Variants in MAP2 observed in about 807,000 individuals in gnomAD.
MAP2 encodes microtubule associated protein 2.
Under a neutral mutation model 137.6 loss-of-function variants are expected in MAP2, and 14 were observed. The observed-to-expected ratio is 0.10, with a 90% CI of 0.07 to 0.16. The LOEUF is 0.16. MAP2 is among the 10% of genes least tolerant of loss of function. MAP2 has a pLI of 1.00. For missense variants in MAP2, 2,088 were observed against 2,191.5 expected (o/e 0.95, Z 0.94); for synonymous variants, 786 against 782.3 (o/e 1.00, Z -0.08).
At chr2:209,729,795 A>C (rs1263171128) in intron 14 of MAP2, 55 bp from the exon 15 acceptor site, 1 of 1,221,980 alleles carries the variant, frequency 8.2e-7, no homozygotes, top group Non-Finnish European at 1.2e-6. Flanking sequence ...ATTTTTGGGA[A>C]ATAGTTACCA....
chr2:209,624,792 G>A (rs566011139), intron 3 of MAP2, among the ~76,000 whole-genome samples: 1 of 152,314 alleles, frequency 6.6e-6, no homozygotes, highest in South Asian at 2.1e-4. Context: ...TACCTATAAA[G>A]TGCCATTGGA....
At chr2:209,636,616 A>G (rs1470995526) in intron 4 of MAP2, among the ~76,000 whole-genome samples, 1 of 151,780 alleles carries the variant, frequency 6.6e-6, no homozygotes, top group Non-Finnish European at 1.5e-5. Context: ...AATTGAAAAT[A>G]TAACAGCGTA....
intron 4 of MAP2, among the ~76,000 whole-genome samples, chr2:209,646,095 G>T (rs1178865803): frequency 6.6e-6 from 1 of 152,154 alleles, no homozygotes; most frequent in Non-Finnish European, 1.5e-5. Flanking sequence ...TGCTTGAGAG[G>T]CTGAGCGGGG....
In MAP2 at chr2:209,705,401, G is replaced by A. The variant is rs2063105357; in HGVS notation, c.4585-179G>A. ...TAATGTATTTTTACAAAACATCTAG[G>A]CAAATATGCACTCTTTCTAAGTTAT... On this transcript the variant is annotated intron_variant, in intron 11 of 15. Transcript: ENST00000682079. 3 of 408,490 alleles carry A rather than the reference G, an allele frequency of 7.3e-6. 1 individual carries two copies. Among genetic ancestry groups the A allele is most frequent in the Middle Eastern group, 1.3e-3 (2 of 1,516 alleles). The allele number at this position is 408,490 out of a possible 1,614,324, so 25.3% of individuals were successfully genotyped here. A position where few individuals can be genotyped will look rare whatever the true frequency, so the allele number is the denominator to read the frequency against.
chr2:209,468,812 T>G (rs574248791), intron 1 of MAP2, among the ~76,000 whole-genome samples: 2 of 152,242 alleles, frequency 1.3e-5, no homozygotes, highest in African/African-American at 4.8e-5. Flanking sequence ...ATCTTTGATC[T>G]GGGTATATAT....
intron 2 of MAP2, among the ~76,000 whole-genome samples, chr2:209,553,962 A>G (rs1459655679): frequency 6.6e-6 from 1 of 152,166 alleles, no homozygotes; most frequent in Non-Finnish European, 1.5e-5. Flanking sequence ...GTCACTGACC[A>G]CAGAGTTGAG....
intron 1 of MAP2, among the ~76,000 whole-genome samples, chr2:209,470,864 G>A (rs1316478825): frequency 6.6e-6 from 1 of 152,092 alleles, no homozygotes; most frequent in East Asian, 1.9e-4. Flanking sequence ...CTTCTCTAAT[G>A]AACACAAACA....
chr2:209,540,435 T>C (rs1288986078), intron 2 of MAP2, among the ~76,000 whole-genome samples: 2 of 151,068 alleles, frequency 1.3e-5, no homozygotes, highest in African/African-American at 4.9e-5. Flanking sequence ...AGTTCGAGAC[T>C]AGCCTGACCA....
intron 2 of MAP2, among the ~76,000 whole-genome samples, chr2:209,524,330 C>CT (rs963989330): frequency 4.0e-4 from 60 of 149,708 alleles, no homozygotes; most frequent in East Asian, 2.0e-3. Flanking sequence ...TCTTTTTTTT[C>CT]TTTTTTTTAT....
chr2:209,521,085 A>C (rs1259948227), intron 2 of MAP2, among the ~76,000 whole-genome samples: 1 of 152,046 alleles, frequency 6.6e-6, no homozygotes, highest in African/African-American at 2.4e-5. Flanking sequence ...CCTTTATAGT[A>C]TTGAGGCAGG....
At chr2:209,629,451 A>G (rs769922142) in intron 4 of MAP2, among the ~76,000 whole-genome samples, 1 of 152,068 alleles carries the variant, frequency 6.6e-6, no homozygotes, top group Non-Finnish European at 1.5e-5. Context: ...GAACCACAAT[A>G]CCCCAACATT....
At chr2:209,719,701 A>G (rs2069384956) in intron 13 of MAP2, among the ~76,000 whole-genome samples, 2 of 152,240 alleles carry the variant, frequency 1.3e-5, no homozygotes, top group African/African-American at 2.4e-5. Flanking sequence ...AAAGTCACAC[A>G]AGGAATATCC....
At chr2:209,491,045 C>A (rs1341935242) in intron 1 of MAP2, among the ~76,000 whole-genome samples, 1 of 152,042 alleles carries the variant, frequency 6.6e-6, no homozygotes, top group Non-Finnish European at 1.5e-5. Flanking sequence ...ACCACATAAT[C>A]GGAAGTAAAA....
chr2:209,572,239 A>G (rs2074519829), intron 2 of MAP2, among the ~76,000 whole-genome samples: 1 of 152,110 alleles, frequency 6.6e-6, no homozygotes, highest in African/African-American at 2.4e-5. Flanking sequence ...ACTTGGTTGG[A>G]ATAAATTCAT....
chr2:209,560,636 G>T (rs577816077), intron 2 of MAP2, among the ~76,000 whole-genome samples: 1 of 152,058 alleles, frequency 6.6e-6, no homozygotes, highest in Non-Finnish European at 1.5e-5. Flanking sequence ...ATGAGGCACT[G>T]CACCTTGCCA....
chr2:209,542,117 AT>A (rs1439221326), intron 2 of MAP2, among the ~76,000 whole-genome samples: 1 of 152,236 alleles, frequency 6.6e-6, no homozygotes, highest in Non-Finnish European at 1.5e-5. Context: ...GGGCTGCAAA[AT>A]GCATGTTGTA....
intron 3 of MAP2, among the ~76,000 whole-genome samples, chr2:209,622,468 G>A (rs962390829): frequency 6.6e-6 from 1 of 152,064 alleles, no homozygotes; most frequent in Non-Finnish European, 1.5e-5. Flanking sequence ...TTGTAAAGTG[G>A]GGACAATAAT....
intron 2 of MAP2, among the ~76,000 whole-genome samples, chr2:209,543,954 G>A (rs1472645301): frequency 6.6e-6 from 1 of 152,154 alleles, no homozygotes; most frequent in Non-Finnish European, 1.5e-5. Context: ...AACAGGCCTG[G>A]CATGGTGGCT....
chr2:209,703,153 A>C (rs892181358), intron 11 of MAP2, among the ~76,000 whole-genome samples: 5 of 152,102 alleles, frequency 3.3e-5, no homozygotes, highest in Non-Finnish European at 5.9e-5. Context: ...ATAACACATC[A>C]TGCAGACTCT....
Sources: allele counts gnomAD v4.1 joint callset (sites outside exome capture counted in the v4.1 genomes callset), GRCh38; gene constraint gnomAD v4.1.1; transcripts MANE v1.5; gene names NCBI Gene and HGNC (gene_info 2026-07-23, HGNC 2026-07-21).